ENGASE: variants seen among roughly 807,000 people sequenced by gnomAD.
ENGASE encodes the protein cytosolic endo-beta-N-acetylglucosaminidase.
A neutral mutation model predicts 78.5 loss-of-function variants in ENGASE; 69 were observed. The ratio of observed to expected loss-of-function variants is 0.88; its 90% confidence interval spans 0.72 to 1.07. ENGASE has a LOEUF of 1.07. ENGASE is among the 50% of genes least tolerant of loss of function. The pLI is 0.00. For synonymous variants in ENGASE, 408 were observed against 408.9 expected, an observed-to-expected ratio of 1.00 and a Z score of 0.03; for missense variants, 943 against 988.4, an observed-to-expected ratio of 0.95 and a Z score of 0.62.
chr17:79,080,601 C>T (rs1668172162), intron 5 of ENGASE, among the ~76,000 whole-genome samples: 1 of 152,250 alleles, frequency 6.6e-6, no homozygotes, highest in African/African-American at 2.4e-5. Context: ...GTTTCCCGCC[C>T]CTGCCTGTGA....
intron 11 of ENGASE, 72 bp from the exon 12 acceptor site, chr17:79,085,161 GC>G: frequency 8.3e-7 from 1 of 1,209,160 alleles, no homozygotes; most frequent in Non-Finnish European, 1.2e-6. Flanking sequence ...CTCCTGGGGC[GC>G]CCTTGGTGGT....
rs759133559 is a variant in ENGASE, at chr17:79,083,524, C to T, written c.1185C>T (p.Ile395=). ...RLERYLPTHS[I]CSLPFVTSFC... ...AGCGTTATCTGCCCACACATAGCATCTGCTCCTTGCCTTTCGTCACGTCCT... is the reference window on the plus strand; with the variant it reads ...AGCGTTATCTGCCCACACATAGCATTTGCTCCTTGCCTTTCGTCACGTCCT... The change falls in exon 9 of 14, where the codon ATC becomes ATT. Residue 395 remains isoleucine (I), a synonymous_variant. Coordinates refer to ENST00000579016, the MANE Select transcript of ENGASE (RefSeq NM_001042573.3). The surrounding 1 kb of genome is among the most constrained non-coding windows in gnomAD (Gnocchi z 4.9). 9 of 1,614,104 alleles carry T rather than the reference C, an allele frequency of 5.6e-6. No homozygotes were observed. The South Asian group carries it at 7.7e-5, about 14-fold the overall frequency.
chr17:79,086,956 G>A lies in ENGASE; in HGVS notation c.*607G>A, dbSNP rs559902639. 3 of 493,138 alleles carry A rather than the reference G, an allele frequency of 6.1e-6. No homozygotes were observed. Among genetic ancestry groups the A allele is most frequent in the African/African-American group, 1.9e-5 (1 of 51,382 alleles). 30.5% of individuals were successfully genotyped at this position (493,138 alleles called of 1,614,324 possible). Reference sequence around the variant, plus strand: ...GCCGGCGCTGGCTTCGTGCCTCCACGTGGGCCAGCCCCAGCTGCTCCGTGT... The same window carrying A: ...GCCGGCGCTGGCTTCGTGCCTCCACATGGGCCAGCCCCAGCTGCTCCGTGT... On this transcript the variant is annotated 3_prime_UTR_variant, in exon 14 of 14. Transcript: ENST00000579016.
chr17:79,077,415 T>C lies in ENGASE; in HGVS notation c.147-15T>C. The C allele has an allele frequency of 6.3e-7, 1 of 1,597,012 alleles. No individual in the cohort carries two copies. The highest frequency in any genetic ancestry group is 8.5e-7 in the Non-Finnish European group (1 of 1,175,490). On this transcript the variant is annotated splice_polypyrimidine_tract_variant and intron_variant, in intron 1 of 13. Coordinates refer to ENST00000579016, the MANE Select transcript of ENGASE (RefSeq NM_001042573.3). ...ATGTTTTTATTTATAAATGTACAAC[T>C]CCCTCTTTGCTTAGCATCAAAGATG...
rs377758790 is a variant in ENGASE, at chr17:79,085,315, G to A, written c.1673G>A (p.Arg558Gln). Residue 558 changes from arginine (R) to glutamine (Q), a missense_variant, in exon 12 of 14, where the codon CGG becomes CAG. Coordinates refer to ENST00000579016, the MANE Select transcript of ENGASE (RefSeq NM_001042573.3). ...KLARWVGRCG[R>Q]QLSGGWVQHC... The stretch of plus-strand genomic sequence containing the variant: ...GCCAGATGGGTGGGCCGCTGCGGCC[G>A]GCAGCTGAGTGGGGGCTGGGTCCAG... 3.2e-5 allele frequency: 52 copies of A among 1,612,360 alleles called. No individual in the cohort carries two copies. The East Asian group carries it at 8.9e-4, about 28-fold the overall frequency.
At chr17:79,084,353 C>A in intron 10 of ENGASE, 185 bp from the exon 11 acceptor site, 1 of 605,406 alleles carries the variant, frequency 1.7e-6, no homozygotes, top group Non-Finnish European at 2.8e-6. Context: ...GATGTTTCAG[C>A]CCACAAAAGA....
chr17:79,080,990 C>T lies in ENGASE; in HGVS notation c.789C>T (p.Val263=), dbSNP rs201073440. ...RYLTTQLHRQ[V]PGGLVLWYDS... is the part of the protein sequence containing the mutation. ...TCACCACACAGCTGCACCGGCAGGT[C>T]CCAGGGGGCCTGGTGCTCTGGTATG... is the stretch of plus-strand genomic sequence containing the variant. The change falls in exon 6 of 14, where the codon GTC becomes GTT. Residue 263 remains valine (V), a synonymous_variant. Transcript: ENST00000579016. 45 of 1,613,190 alleles carry T rather than the reference C, an allele frequency of 2.8e-5. No homozygotes were observed. Among genetic ancestry groups the T allele is most frequent in the Non-Finnish European group, 3.8e-5 (45 of 1,179,984 alleles).
intron 7 of ENGASE, chr17:79,082,654 A>G (rs1031393940): frequency 7.7e-7 from 1 of 1,303,362 alleles, no homozygotes; most frequent in African/African-American, 1.5e-5. Flanking sequence ...CCCTTAATTT[A>G]GCTTTAAATG....
In ENGASE at chr17:79,075,093, G is replaced by A. The variant is rs2072935504; in HGVS notation, c.146+3G>A. The A allele has an allele frequency of 7.5e-6, 9 of 1,207,218 alleles. No individual in the cohort carries two copies. Among genetic ancestry groups the A allele is most frequent in the Non-Finnish European group, 8.2e-6 (8 of 971,544 alleles). 74.8% of individuals were successfully genotyped at this position (1,207,218 alleles called of 1,614,324 possible). A position where few individuals can be genotyped will look rare whatever the true frequency, so the allele number is the denominator to read the frequency against. On this transcript the variant is annotated splice_donor_region_variant and intron_variant, in intron 1 of 13. Coordinates refer to ENST00000579016, the MANE Select transcript of ENGASE (RefSeq NM_001042573.3). ...CGGCGGCGGCGGCCGGGAAGGAGGT[G>A]GGGCTGCGGGGCCCGCGTGAACCCC... is the stretch of plus-strand genomic sequence containing the variant.
rs759170628 is a variant in ENGASE, at chr17:79,075,021, C to A, written c.77C>A (p.Pro26Gln). Reference sequence around the variant, plus strand: ...CGGCAGCTGCAGGGGCTGGCGGCCCCGGAGGCGGGGACGCAGGAGGAGCAG... The same window carrying A: ...CGGCAGCTGCAGGGGCTGGCGGCCCAGGAGGCGGGGACGCAGGAGGAGCAG... ...RRRQLQGLAAPEAGTQEEQED... is the reference protein window; with the variant it reads ...RRRQLQGLAAQEAGTQEEQED... Residue 26 changes from proline to glutamine, a missense_variant, in exon 1 of 14, where the codon CCG (proline) becomes CAG (glutamine). Physicochemically the swap from Pro to Gln is moderately conservative, Grantham distance 76 (BLOSUM62 -1). Transcript: ENST00000579016. The A allele has an allele frequency of 5.8e-6, 7 of 1,211,718 alleles. No individual in the cohort carries two copies. In the Admixed American group the frequency reaches 2.2e-4, roughly 37 times the overall value. The allele number at this position is 1,211,718 out of a possible 1,614,324, so 75.1% of individuals were successfully genotyped here.
At chr17:79,082,321 T>C (rs1599342725) in intron 7 of ENGASE, 2 of 1,358,244 alleles carry the variant, frequency 1.5e-6, no homozygotes, top group Non-Finnish European at 1.9e-6. Flanking sequence ...GGCGCGTCGT[T>C]CCCCCGCTGT....
chr17:79,081,839 T>TG, intron 6 of ENGASE, 59 bp from the exon 7 acceptor site: 1 of 1,551,196 alleles, frequency 6.4e-7, no homozygotes, highest in Non-Finnish European at 8.7e-7. Flanking sequence ...GCAGGGTTGG[T>TG]GGGGGTGGCC....
In ENGASE at chr17:79,079,490, T is replaced by G. The variant is rs901640976; in HGVS notation, c.418T>G (p.Phe140Val). 2 of 1,612,316 alleles carry G rather than the reference T, an allele frequency of 1.2e-6. No homozygotes were observed. The highest frequency in any genetic ancestry group is 1.7e-6 in the Non-Finnish European group (2 of 1,179,666). ...DMMGGYLDDR[F>V]IQGSVVQTPY... Reference sequence around the variant, plus strand: ...GCCCTGTTCTGTTTCTTTCCCCAGGTTCATTCAGGGCTCGGTGGTGCAGAC... The same window carrying G: ...GCCCTGTTCTGTTTCTTTCCCCAGGGTCATTCAGGGCTCGGTGGTGCAGAC... The change falls in exon 4 of 14, where the codon TTC becomes GTC. Residue 140 changes from phenylalanine (F) to valine (V), a missense_variant and splice_region_variant. Coordinates refer to ENST00000579016, the MANE Select transcript of ENGASE (RefSeq NM_001042573.3).
rs1163217673 is a variant in ENGASE, at chr17:79,083,589, A to C, written c.1250A>C (p.Gln417Pro). ...GGTGCACGGAGGGTCTGCTATGGCC[A>C]GGTGGGTGGGTGTCTTCCCTCCGTG... ...GMGARRVCYG[Q>P]EEAVGPWYHL... The change falls in exon 9 of 14, where the codon CAG becomes CCG. Residue 417 changes from glutamine (Q) to proline (P), a missense_variant and splice_region_variant. Gln to Pro is a moderately conservative substitution (Grantham distance 76, BLOSUM62 -1). Transcript: ENST00000579016. This position sits in a 1 kb window ranked among gnomAD's most constrained non-coding sequence, Gnocchi z 4.9. The C allele has an allele frequency of 1.7e-5, 28 of 1,613,246 alleles. No individual in the cohort carries two copies. The highest frequency in any genetic ancestry group is 1.9e-5 in the Non-Finnish European group (22 of 1,179,362).
chr17:79,077,927 G>GT, intron 3 of ENGASE, 63 bp downstream of exon 3: 2 of 1,179,572 alleles, frequency 1.7e-6, no homozygotes, highest in Non-Finnish European at 2.4e-6. Flanking sequence ...GTGGGGGCTG[G>GT]AGGGGCGGGA....
At chr17:79,084,426 G>A in intron 10 of ENGASE, 112 bp from the exon 11 acceptor site, 1 of 1,097,626 alleles carries the variant, frequency 9.1e-7, no homozygotes, top group Non-Finnish European at 1.3e-6. Flanking sequence ...GGGAGCATTT[G>A]GCACCCAGGC....
chr17:79,080,792 G>A lies in ENGASE; in HGVS notation c.724-133G>A, dbSNP rs112006996. 1.4e-5 allele frequency: 17 copies of A among 1,220,216 alleles called. No homozygotes were observed. The East Asian group carries it at 3.0e-4, about 22-fold the overall frequency. The allele number at this position is 1,220,216 out of a possible 1,614,324, so 75.6% of individuals were successfully genotyped here. On this transcript the variant is annotated intron_variant, in intron 5 of 13. Transcript: ENST00000579016. ...TCCACTTGCGGGGCTGTGGCGGGGA[G>A]GGCCTTTCAGAACTGCAGCTTCGCC... is the stretch of plus-strand genomic sequence containing the variant.
Position 79,086,158 on chromosome 17 carries a change from C to A in ENGASE, c.2041C>A (p.Pro681Thr). ...DDSPGRELPR[P>T]EMPMFLGLAF... ...CTCTCCGGGCAGGGAGCTGCCGAGG[C>A]CAGAGATGCCCATGTTCCTGGGGTT... Residue 681 changes from proline to threonine, a missense_variant, in exon 14 of 14, where the codon CCA becomes ACA. Pro to Thr is a conservative substitution (Grantham distance 38). Coordinates refer to ENST00000579016, the MANE Select transcript of ENGASE (RefSeq NM_001042573.3). 4 of 1,613,780 alleles carry A rather than the reference C, an allele frequency of 2.5e-6. No homozygotes were observed. Among genetic ancestry groups the A allele is most frequent in the Non-Finnish European group, 3.4e-6 (4 of 1,180,020 alleles).
Position 79,077,864 on chromosome 17 carries a change from G to C in ENGASE, c.416G>C (p.Arg139Thr). The change falls in exon 3 of 14, where the codon AGG becomes ACG. Residue 139 changes from arginine to threonine, a missense_variant and splice_region_variant. Physicochemically the swap from Arg to Thr is moderately conservative, Grantham distance 71. Transcript: ENST00000579016. Reference protein sequence around the residue: ...HDMMGGYLDDRFIQGSVVQTP... With the variant: ...HDMMGGYLDDTFIQGSVVQTP... ...ATGATGGGCGGGTACCTGGATGACA[G>C]GTGAGGACCTGGCCTTACATTGATG... The C allele has an allele frequency of 1.2e-6, 2 of 1,612,268 alleles. No individual in the cohort carries two copies. Among genetic ancestry groups the C allele is most frequent in the South Asian group, 2.2e-5 (2 of 90,982 alleles).
Sources: gnomAD v4.1 joint callset for allele counts (sites outside exome capture counted in the v4.1 genomes callset) on GRCh38, gnomAD v4.1.1 for gene constraint, Gnocchi (gnomAD v3.1) non-coding constraint, MANE v1.5 for transcripts, NCBI Gene and HGNC (gene_info 2026-07-23, HGNC 2026-07-21) for gene names.